CACNA1A: variants seen among roughly 807,000 people sequenced by gnomAD.
CACNA1A encodes the protein calcium voltage-gated channel subunit alpha1 A.
A neutral mutation model predicts 262.4 loss-of-function variants in CACNA1A; 57 were observed. The ratio of observed to expected loss-of-function variants is 0.22; its 90% CI spans 0.18 to 0.27. CACNA1A has a LOEUF of 0.27. CACNA1A is among the 10% of genes least tolerant of loss of function. The probability of loss-of-function intolerance (pLI) is 1.00; values close to 1 mark genes in which losing one functional copy is unlikely to be tolerated. For synonymous variants in CACNA1A, 1,431 were observed against 1,419.3 expected, an observed-to-expected ratio of 1.01 and a Z score of -0.18; for missense variants, 2,526 against 3,562.8, an observed-to-expected ratio of 0.71 and a Z score of 7.41.
intron 6 of CACNA1A, among the ~76,000 whole-genome samples, chr19:13,356,211 C>G (rs893372205): frequency 2.0e-5 from 3 of 152,174 alleles, no homozygotes; most frequent in African/African-American, 7.2e-5. Context: ...AAAGGAACAC[C>G]ATGCAGGGTG....
At chr19:13,396,759 C>T (rs1297210601) in intron 3 of CACNA1A, among the ~76,000 whole-genome samples, 2 of 152,354 alleles carry the variant, frequency 1.3e-5, no homozygotes, top group African/African-American at 4.8e-5. Flanking sequence ...TAGGTCAATG[C>T]TCCAGCGGGC....
Position 13,209,427 on chromosome 19 carries a change from A to G in CACNA1A, c.6411T>C (p.Asp2137=). 2 of 1,389,436 alleles carry G rather than the reference A, an allele frequency of 1.4e-6. No homozygotes were observed. Among genetic ancestry groups the G allele is most frequent in the Non-Finnish European group, 9.4e-7 (1 of 1,067,476 alleles). 86.1% of individuals were successfully genotyped at this position (1,389,436 alleles called of 1,614,324 possible). The change falls in exon 45 of 47, where the codon GAT becomes GAC. Residue 2137 remains aspartate (D), a synonymous_variant. Transcript: ENST00000360228. Reference sequence around the variant, plus strand: ...CGGGCGGGACCCGCTCCAGCGAGTAATCGTCCAGGCGTCGGGCCTTGGGGC... The same window carrying G: ...CGGGCGGGACCCGCTCCAGCGAGTAGTCGTCCAGGCGTCGGGCCTTGGGGC... The part of the protein sequence containing the change: ...VLGPKARRLD[D]YSLERVPPEE...
At chr19:13,316,107 A>G (rs2058122779) in intron 11 of CACNA1A, 1 of 152,038 alleles carries the variant, frequency 6.6e-6, no homozygotes, top group Admixed American at 6.6e-5. Context: ...ACAGGTGTGC[A>G]CCATCACATC....
At chr19:13,504,671 G>A (rs1361558933) in intron 1 of CACNA1A, among the ~76,000 whole-genome samples, 1 of 152,202 alleles carries the variant, frequency 6.6e-6, no homozygotes, top group Admixed American at 6.5e-5. Context: ...TTACACAGAG[G>A]GCAGCTGGTT....
At position 13,316,838 on chromosome 19, in the gene CACNA1A, C is replaced by T. The variant is rs1350709215; in HGVS notation, c.1555+274G>A. The T allele has an allele frequency of 1.8e-5, 6 of 336,698 alleles. No homozygotes were observed. The East Asian group carries it at 2.7e-4, about 15-fold the overall frequency. The allele number at this position is 336,698 out of a possible 1,614,324, so 20.9% of individuals were successfully genotyped here. A position where few individuals can be genotyped will look rare whatever the true frequency, so the allele number is the denominator to read the frequency against. The stretch of plus-strand genomic sequence containing the variant: ...GTCTCTCTTCCAACATCCCCTTCAC[C>T]AGCACCCCTCTGTCCCTCTCTCTTA... On this transcript the variant is annotated intron_variant, in intron 11 of 46. Coordinates refer to ENST00000360228, the MANE Select transcript of CACNA1A (RefSeq NM_001127222.2).
intron 1 of CACNA1A, among the ~76,000 whole-genome samples, chr19:13,465,746 C>T (rs2061223409): frequency 6.6e-6 from 1 of 152,182 alleles, no homozygotes; most frequent in South Asian, 2.1e-4. Context: ...ACCTCAGCCT[C>T]CCAAAGTTCT....
chr19:13,446,240 ACT>A (rs2060808723), intron 3 of CACNA1A, among the ~76,000 whole-genome samples: 1 of 124,502 alleles, frequency 8.0e-6, no homozygotes, highest in Non-Finnish European at 1.6e-5. Context: ...CCACCACTGC[ACT>A]CTGTCCCGAA....
At chr19:13,334,328 T>C in intron 8 of CACNA1A, 50 bp downstream of exon 8, 1 of 975,742 alleles carries the variant, frequency 1.0e-6, no homozygotes, top group Non-Finnish European at 1.7e-6. Context: ...CTCTTTGTAC[T>C]CCGTGGCCTG....
chr19:13,231,115 C>CA (rs2055652215), intron 35 of CACNA1A, among the ~76,000 whole-genome samples: 1 of 152,010 alleles, frequency 6.6e-6, no homozygotes, highest in Admixed American at 6.6e-5. Context: ...GTGATCCTCC[C>CA]ACCTCAGCCT....
At chr19:13,444,475 G>A (rs1224846835) in intron 3 of CACNA1A, among the ~76,000 whole-genome samples, 1 of 152,060 alleles carries the variant, frequency 6.6e-6, no homozygotes, top group Non-Finnish European at 1.5e-5. Flanking sequence ...AAGGAGAGAG[G>A]ACATGAGAGG....
chr19:13,383,742 G>C (rs1470650954), intron 3 of CACNA1A, among the ~76,000 whole-genome samples: 1 of 151,976 alleles, frequency 6.6e-6, no homozygotes, highest in African/African-American at 2.4e-5. Flanking sequence ...CCTTCTCAGA[G>C]AGAACATCCC....
In CACNA1A at chr19:13,208,807, C is replaced by T. The variant is rs774078430; in HGVS notation, c.6729G>A (p.Gln2243=). 10 of 1,535,466 alleles carry T rather than the reference C, an allele frequency of 6.5e-6. No homozygotes were observed. Among genetic ancestry groups the T allele is most frequent in the Non-Finnish European group, 6.1e-6 (7 of 1,149,184 alleles). The change falls in exon 46 of 47, where the codon CAG becomes CAA. Residue 2243 remains glutamine (Q), a synonymous_variant. Transcript: ENST00000360228. ...CCTCGCTGGGCGAGCGGGACCAGCG[C>T]TGGTCCCGAGCCCGTGCCCGGCCGT... ...PDHGRARARD[Q]RWSRSPSEGR... is the part of the protein sequence containing the mutation.
intron 19 of CACNA1A, among the ~76,000 whole-genome samples, chr19:13,290,110 T>C (rs936585949): frequency 6.6e-6 from 1 of 150,734 alleles, no homozygotes; most frequent in South Asian, 2.1e-4. Flanking sequence ...TTTTTTTTTT[T>C]CTGTAGTTTT....
chr19:13,412,668 G>A (rs1343307039), intron 3 of CACNA1A, among the ~76,000 whole-genome samples: 1 of 151,808 alleles, frequency 6.6e-6, no homozygotes, highest in Non-Finnish European at 1.5e-5. Context: ...GTAGAGACGG[G>A]GTTTCACCAT....
chr19:13,443,310 T>C (rs1255979963), intron 3 of CACNA1A, among the ~76,000 whole-genome samples: 1 of 152,176 alleles, frequency 6.6e-6, no homozygotes, highest in Non-Finnish European at 1.5e-5. Flanking sequence ...ATAATAATAG[T>C]ATTTATTTAA....
At chr19:13,372,859 T>C (rs181041219) in intron 3 of CACNA1A, among the ~76,000 whole-genome samples, 6 of 152,308 alleles carry the variant, frequency 3.9e-5, no homozygotes, top group African/African-American at 1.4e-4. Context: ...CTTTTGTAAA[T>C]GCAAGTTAGT....
At chr19:13,246,398 T>G (rs908118526) in intron 30 of CACNA1A, among the ~76,000 whole-genome samples, 1 of 152,186 alleles carries the variant, frequency 6.6e-6, no homozygotes, top group Non-Finnish European at 1.5e-5. Flanking sequence ...CTCTCAACCC[T>G]GGGCTTGGCG....
At chr19:13,354,537 G>A (rs991037384) in intron 6 of CACNA1A, among the ~76,000 whole-genome samples, 9 of 152,202 alleles carry the variant, frequency 5.9e-5, no homozygotes, top group African/African-American at 2.2e-4. Context: ...CCTGCACCCT[G>A]GCATTGACAG....
intron 24 of CACNA1A, among the ~76,000 whole-genome samples, chr19:13,268,656 C>A (rs374562419): frequency 2.6e-4 from 40 of 152,004 alleles, no homozygotes; most frequent in Middle Eastern, 3.4e-3. Context: ...GGATGGTCTC[C>A]ATCTCTTGAC....
Sources: allele counts gnomAD v4.1 joint callset (sites outside exome capture counted in the v4.1 genomes callset), GRCh38; gene constraint gnomAD v4.1.1; transcripts MANE v1.5; gene names NCBI Gene and HGNC (gene_info 2026-07-23, HGNC 2026-07-21).